NPAS2: variants seen among roughly 807,000 people sequenced by gnomAD.
NPAS2 encodes the protein neuronal PAS domain protein 2, also known as neuronal PAS domain-containing protein 2.
In NPAS2, 23 loss-of-function variants were observed where a neutral mutation model predicts 107.5. That is an observed-to-expected ratio of 0.21 (90% CI 0.15 to 0.30). NPAS2 has a LOEUF of 0.30. NPAS2 is among the 10% of genes least tolerant of loss of function. NPAS2 has a pLI of 1.00. For synonymous variants in NPAS2, 403 were observed against 417.5 expected (o/e 0.97, Z 0.42); for missense variants, 756 against 1,043.3 (o/e 0.72, Z 3.79).
chr2:100,969,480 T>C (rs935045573), intron 11 of NPAS2, among the ~76,000 whole-genome samples: 1 of 152,194 alleles, frequency 6.6e-6, no homozygotes, highest in Non-Finnish European at 1.5e-5. Flanking sequence ...TGTGTTAGTT[T>C]GCTGAGGATG....
chr2:100,995,193 G>C, intron 20 of NPAS2: 1 of 481,180 alleles, frequency 2.1e-6, no homozygotes, highest in Non-Finnish European at 3.6e-6. Flanking sequence ...GGAGAACTTA[G>C]CTTCAGAATT....
At chr2:100,979,077 C>T (rs929038771) in intron 15 of NPAS2, among the ~76,000 whole-genome samples, 3 of 152,172 alleles carry the variant, frequency 2.0e-5, no homozygotes, top group Non-Finnish European at 2.9e-5. Context: ...AAAACTATTT[C>T]GGAACATATG....
chr2:100,909,648 A>G (rs1200243941), intron 2 of NPAS2, among the ~76,000 whole-genome samples: 1 of 151,830 alleles, frequency 6.6e-6, no homozygotes, highest in Non-Finnish European at 1.5e-5. Flanking sequence ...TTCCTTTCAT[A>G]GGCTTTGGAT....
At chr2:100,877,289 C>T (rs1680030092) in intron 1 of NPAS2, among the ~76,000 whole-genome samples, 1 of 151,966 alleles carries the variant, frequency 6.6e-6, no homozygotes, top group African/African-American at 2.4e-5. Context: ...ACAGTGAAAC[C>T]CCGCCTCTAC....
intron 1 of NPAS2, among the ~76,000 whole-genome samples, chr2:100,824,625 A>T (rs2104320216): frequency 6.6e-6 from 1 of 152,140 alleles, no homozygotes; most frequent in South Asian, 2.1e-4. Flanking sequence ...TATGCTTTGC[A>T]CTCTAAGATA....
chr2:100,856,219 C>G (rs1194586092), intron 1 of NPAS2, among the ~76,000 whole-genome samples: 1 of 152,250 alleles, frequency 6.6e-6, no homozygotes, highest in Non-Finnish European at 1.5e-5. Context: ...AAAAGTCAGA[C>G]AAGACCATCC....
intron 7 of NPAS2, among the ~76,000 whole-genome samples, chr2:100,958,900 C>T (rs1287586496): frequency 6.6e-6 from 1 of 151,966 alleles, no homozygotes; most frequent in Non-Finnish European, 1.5e-5. Flanking sequence ...TAATAATTGC[C>T]AGAGGAAAGA....
chr2:100,934,779 C>A (rs567667117), intron 4 of NPAS2: 3 of 985,270 alleles, frequency 3.0e-6, no homozygotes, highest in Non-Finnish European at 2.4e-6. Flanking sequence ...GGAGCTCCCA[C>A]GGTGATGTCA....
chr2:100,985,131 A>G (rs1383581235), intron 16 of NPAS2: 1 of 151,886 alleles, frequency 6.6e-6, no homozygotes, highest in Non-Finnish European at 1.5e-5. Context: ...CCATCTATCC[A>G]TCCTTCCTTC....
In NPAS2 at chr2:100,953,054, TGTCAG is replaced by T. The variant is rs1425002686; in HGVS notation, c.598+3575_598+3579del. On this transcript the variant is annotated intron_variant, in intron 7 of 20. Coordinates refer to ENST00000335681, the MANE Select transcript of NPAS2 (RefSeq NM_002518.4). Reference sequence around the variant, plus strand: ...TAACTGGGATTAAAATAGCAAAAATTGTCAGAGACAAATGAATTTCTCAGGTTAAA... The same window carrying T: ...TAACTGGGATTAAAATAGCAAAAATTAGACAAATGAATTTCTCAGGTTAAA... Among the ~76,000 whole-genome samples the T allele has an allele frequency of 6.3e-4, 84 of 134,138 alleles. 4 individuals are homozygous for T. The highest frequency in any genetic ancestry group is 3.5e-3 in the Middle Eastern group (1 of 288). The allele number at this position is 134,138 out of a possible 152,430, so 88.0% of individuals were successfully genotyped here.
At chr2:100,863,427 T>C (rs911808499) in intron 1 of NPAS2, among the ~76,000 whole-genome samples, 6 of 152,230 alleles carry the variant, frequency 3.9e-5, no homozygotes, top group African/African-American at 1.4e-4. Flanking sequence ...AAAGAGATCC[T>C]GGCAGATAGA....
At chr2:100,953,944 C>T (rs1411818536) in intron 7 of NPAS2, among the ~76,000 whole-genome samples, 1 of 152,188 alleles carries the variant, frequency 6.6e-6, no homozygotes, top group East Asian at 1.9e-4. Flanking sequence ...ATGGAAATGA[C>T]TGTCATGAAG....
rs1444249436 is a variant in NPAS2, at chr2:100,964,094, T to C, written c.635T>C (p.Leu212Pro). The stretch of plus-strand genomic sequence containing the variant: ...TCCTGTAATGGTTTTGACAACACCC[T>C]TTCAAGACCTTGCCGGGTGCCACTA... ...SPSCNGFDNTLSRPCRVPLGK... is the reference protein window; with the variant it reads ...SPSCNGFDNTPSRPCRVPLGK... Residue 212 changes from leucine (L) to proline (P), a missense_variant, in exon 8 of 21, where the codon CTT becomes CCT. Physicochemically the swap from Leu to Pro is moderately conservative, Grantham distance 98. This residue lies in a region of NPAS2 where 30 missense variants were observed against 23.8 expected (regional missense o/e 1.26). Transcript: ENST00000335681. The C allele has an allele frequency of 1.2e-6, 2 of 1,614,096 alleles. No homozygotes were observed. The highest frequency in any genetic ancestry group is 2.2e-5 in the South Asian group (2 of 91,076).
chr2:100,922,322 G>C (rs554396997), intron 2 of NPAS2, among the ~76,000 whole-genome samples: 2 of 152,134 alleles, frequency 1.3e-5, no homozygotes, highest in Admixed American at 1.3e-4. Flanking sequence ...GCTCATGCCT[G>C]TAATCCCAGC....
chr2:100,849,819 A>G (rs1483669502), intron 1 of NPAS2, among the ~76,000 whole-genome samples: 1 of 152,066 alleles, frequency 6.6e-6, no homozygotes, highest in Non-Finnish European at 1.5e-5. Flanking sequence ...CAGAGGTCCT[A>G]TTGTCTGTAA....
chr2:100,937,100 C>T (rs930034379), intron 4 of NPAS2, among the ~76,000 whole-genome samples: 5 of 152,044 alleles, frequency 3.3e-5, no homozygotes, highest in African/African-American at 1.2e-4. Flanking sequence ...AGAGTAGGCA[C>T]TCAGTAGAGA....
intron 1 of NPAS2, among the ~76,000 whole-genome samples, chr2:100,839,714 TCAGC>T (rs1160505297): frequency 1.3e-5 from 2 of 152,134 alleles, no homozygotes; most frequent in African/African-American, 4.8e-5. Flanking sequence ...TGTTCAAGAG[TCAGC>T]CATATTTCTA....
chr2:100,967,428 G>A (rs563841000), intron 10 of NPAS2, among the ~76,000 whole-genome samples: 16 of 151,586 alleles, frequency 1.1e-4, no homozygotes, highest in South Asian at 2.1e-4. Flanking sequence ...GGGTCTCACC[G>A]TATTCGCCAG....
chr2:100,936,437 AC>A (rs1202642816), intron 4 of NPAS2, among the ~76,000 whole-genome samples: 1 of 152,134 alleles, frequency 6.6e-6, no homozygotes, highest in Non-Finnish European at 1.5e-5. Flanking sequence ...AAGTCAGTGA[AC>A]CGACAGTGAC....
Sources: gnomAD v4.1 joint callset for allele counts (sites outside exome capture counted in the v4.1 genomes callset) on GRCh38, gnomAD v4.1.1 for gene constraint, gnomAD v4.1.1 regional missense constraint, MANE v1.5 for transcripts, NCBI Gene and HGNC (gene_info 2026-07-23, HGNC 2026-07-21) for gene names.